Variants in C2 observed in about 807,000 individuals in gnomAD.
C2 encodes C3/C5 convertase.
Under a neutral mutation model 85.2 loss-of-function variants are expected in C2, and 64 were observed. The ratio of observed to expected loss-of-function variants is 0.75; its 90% CI spans 0.61 to 0.92. The LOEUF is 0.92. Ranked by LOEUF, C2 falls within the 40% of genes least tolerant of loss-of-function variation. The probability of loss-of-function intolerance (pLI) is 0.00; values close to 1 mark genes in which losing one functional copy is unlikely to be tolerated. For synonymous variants in C2, 311 were observed against 370.8 expected, an observed-to-expected ratio of 0.84 and a Z score of 1.85; for missense variants, 820 against 971.6, an observed-to-expected ratio of 0.84 and a Z score of 2.07.
upstream of C2, chr6:31,900,592 G>T (rs1562535997): frequency 1.9e-6 from 3 of 1,612,496 alleles, no homozygotes; most frequent in Non-Finnish European, 2.5e-6. The surrounding 1 kb of genome is among the most constrained non-coding windows in gnomAD (Gnocchi z 9.7). Flanking sequence ...GGCCACCCAC[G>T]GAGCCTCCAA....
At chr6:31,903,404 T>A (rs1263786882) in intron 1 of C2, among the ~76,000 whole-genome samples, 1 of 152,068 alleles carries the variant, frequency 6.6e-6, no homozygotes, top group Non-Finnish European at 1.5e-5. Context: ...CCGAGGCAGG[T>A]GGATCACCTG....
chr6:31,913,799 C>T (rs1295062242), intron 1 of C2, among the ~76,000 whole-genome samples: 1 of 151,716 alleles, frequency 6.6e-6, no homozygotes, highest in African/African-American at 2.4e-5. Flanking sequence ...GGCACCACAC[C>T]CGGCTAATTT....
intron 6 of C2, chr6:31,934,703 T>C (rs1387527980): frequency 8.3e-7 from 1 of 1,210,160 alleles, no homozygotes; most frequent in East Asian, 3.9e-5. Flanking sequence ...CAACATTTTG[T>C]GCAGGCTTTA....
At position 31,935,842 on chromosome 6, in the gene C2, C is replaced by A; in HGVS notation, c.850-81C>A. Reference sequence around the variant, plus strand: ...TCTCACTCCAGTTTCTCTGCCTCCTCCAGGGCCCTTTGTTTGCTCTCTTAC... The same window carrying A: ...TCTCACTCCAGTTTCTCTGCCTCCTACAGGGCCCTTTGTTTGCTCTCTTAC... On this transcript the variant is annotated intron_variant, in intron 6 of 17. Transcript: ENST00000299367. The surrounding 1 kb of genome is among the most constrained non-coding windows in gnomAD (Gnocchi z 4.3). 1.3e-6 allele frequency: 2 copies of A among 1,501,750 alleles called. No homozygotes were observed. The highest frequency in any genetic ancestry group is 9.2e-7 in the Non-Finnish European group (1 of 1,085,986). The allele number at this position is 1,501,750 out of a possible 1,614,324, so 93.0% of individuals were successfully genotyped here. A position where few individuals can be genotyped will look rare whatever the true frequency, so the allele number is the denominator to read the frequency against.
At chr6:31,919,873 C>T (rs1408701815), upstream of C2, 1 of 152,188 alleles carries the variant, frequency 6.6e-6, no homozygotes, top group Non-Finnish European at 1.5e-5. Flanking sequence ...AACATTTCCT[C>T]TTGGTAACAG....
rs1771305728 is a variant in C2 at position 31,945,303 on chromosome 6, G to A, written c.2205G>A (p.Met735Ile). The A allele has an allele frequency of 6.2e-7, 1 of 1,613,024 alleles. No homozygotes were observed. The highest frequency in any genetic ancestry group is 8.5e-7 in the Non-Finnish European group (1 of 1,180,016). ...ACTTTCACATCAATCTCTTCCGCAT[G>A]CAGCCCTGGCTGAGGCAGCACCTGG... ...PRDFHINLFR[M>I]QPWLRQHLGD... Residue 735 changes from methionine to isoleucine, a missense_variant, in exon 18 of 18, where the codon ATG (methionine) becomes ATA (isoleucine). Physicochemically the swap from Met to Ile is conservative, Grantham distance 10. Transcript: ENST00000299367. This position sits in a 1 kb window ranked among gnomAD's most constrained non-coding sequence, Gnocchi z 5.3.
chr6:31,939,166 A>T, intron 8 of C2, 65 bp from the exon 9 acceptor site: 1 of 1,137,248 alleles, frequency 8.8e-7, no homozygotes. Context: ...ATGCTTTCCT[A>T]CTCTTCCAGG....
chr6:31,932,181 A>G (rs9267709), intron 3 of C2, among the ~76,000 whole-genome samples: 2 of 129,596 alleles, frequency 1.5e-5, no homozygotes, highest in African/African-American at 6.0e-5. Flanking sequence ...CTCACTTCCC[A>G]GTAGGGGCGG....
At chr6:31,901,131 G>A in exon 1 of C2, 1 of 1,613,922 alleles carries the variant, frequency 6.2e-7, no homozygotes, top group Non-Finnish European at 8.5e-7. Flanking sequence ...AACTGGTCCC[G>A]CAGGAAGGGT....
chr6:31,921,086 G>A lies in C2; in HGVS notation c.-100+1060G>A, dbSNP rs9501160. 0.015 allele frequency among the ~76,000 whole-genome samples: 2,238 copies of A among 152,288 alleles called. 24 individuals are homozygous for A. Among genetic ancestry groups the A allele is most frequent in the Middle Eastern group, 0.078 (23 of 294 alleles). On this transcript the variant is annotated intron_variant, in intron 1 of 3. Coordinates refer to the C2 transcript ENST00000413154. This position sits in a 1 kb window ranked among gnomAD's most constrained non-coding sequence, Gnocchi z 4.6. ...GGCAGTGCCTGCTAGGATGGGGGAT[G>A]GTGTGTGTACCGAGGAACTTAGCAG...
In C2 at chr6:31,943,493, T is replaced by C. The variant is rs1361505252; in HGVS notation, c.1533T>C (p.Asp511=). The C allele has an allele frequency of 1.2e-6, 2 of 1,613,060 alleles. No individual in the cohort carries two copies. Among genetic ancestry groups the C allele is most frequent in the African/African-American group, 1.3e-5 (1 of 75,046 alleles). ...TGACAGCAGCTCATTGCTTCCGCGA[T>C]GGCAACGACCACTCCCTGTGGAGGG... ...WVLTAAHCFR[D]GNDHSLWRVN... The change falls in exon 12 of 18, where the codon GAT becomes GAC. Residue 511 remains aspartate (D), a synonymous_variant. Transcript: ENST00000299367. The surrounding 1 kb of genome is among the most constrained non-coding windows in gnomAD (Gnocchi z 6.4).
chr6:31,900,862 G>A (rs768825206), upstream of C2: 29 of 1,613,320 alleles, frequency 1.8e-5, no homozygotes, highest in South Asian at 1.5e-4. The surrounding 1 kb of genome is among the most constrained non-coding windows in gnomAD (Gnocchi z 9.7). Flanking sequence ...ACTTGGTGGC[G>A]CTGATGCTGC....
chr6:31,921,885 G>C lies in C2; in HGVS notation c.-100+1859G>C, dbSNP rs981962732. On this transcript the variant is annotated intron_variant, in intron 1 of 3. Transcript: ENST00000413154. This position sits in a 1 kb window ranked among gnomAD's most constrained non-coding sequence, Gnocchi z 4.6. The stretch of plus-strand genomic sequence containing the variant: ...CTGGAGGTGATCGCAAGAAACATGG[G>C]TAGTGGAGTGTGATAGAGAAGGAAG... 6.6e-6 allele frequency among the ~76,000 whole-genome samples: 1 copy of C among 152,178 alleles called. No homozygotes were observed. The highest frequency in any genetic ancestry group is 1.5e-5 in the Non-Finnish European group (1 of 68,038).
At chr6:31,927,455 CAT>C, upstream of C2, 1 of 1,390,894 alleles carries the variant, frequency 7.2e-7, no homozygotes, top group Non-Finnish European at 9.3e-7. The surrounding 1 kb of genome is among the most constrained non-coding windows in gnomAD (Gnocchi z 4.7). Flanking sequence ...GTATGGTGCA[CAT>C]GTGCACGCAT....
At chr6:31,914,101 C>T (rs77524031) in intron 1 of C2, among the ~76,000 whole-genome samples, 12,162 of 151,670 alleles carry the variant, frequency 0.08, 537 homozygotes, top group African/African-American at 0.12. Flanking sequence ...TTTGTATTCA[C>T]CGTGTTTCAC....
rs1768893589 is a variant in C2, at chr6:31,920,579, C to T, written c.-100+553C>T. On this transcript the variant is annotated intron_variant, in intron 1 of 3. Transcript: ENST00000413154. The surrounding 1 kb of genome is among the most constrained non-coding windows in gnomAD (Gnocchi z 5.6). The stretch of plus-strand genomic sequence containing the variant: ...TTTACCACCCTCTTACCTGGGTTAC[C>T]CAGGGCAGCTCCCCTGATGGGTAGC... Among the ~76,000 whole-genome samples the T allele has an allele frequency of 6.6e-6, 1 of 152,070 alleles. No homozygotes were observed. The highest frequency in any genetic ancestry group is 6.6e-5 in the Admixed American group (1 of 15,262).
chr6:31,936,378 A>G, intron 7 of C2: 1 of 409,158 alleles, frequency 2.4e-6, no homozygotes, highest in East Asian at 5.1e-5. Context: ...CCCATACACC[A>G]TGTAAAGTGC....
intron 1 of C2, among the ~76,000 whole-genome samples, chr6:31,909,820 T>C (rs1254579424): frequency 1.3e-5 from 2 of 151,988 alleles, no homozygotes; most frequent in South Asian, 2.1e-4. Context: ...CACCAGGAGA[T>C]TGTACACAAG....
intron 1 of C2, among the ~76,000 whole-genome samples, chr6:31,913,446 G>C (rs62395851): frequency 0.079 from 12,062 of 152,094 alleles, 521 homozygotes; most frequent in African/African-American, 0.12. Context: ...TGTGGTGGCA[G>C]GCACCTGTAA....
Sources: gnomAD v4.1 joint callset for allele counts (sites outside exome capture counted in the v4.1 genomes callset) on GRCh38, gnomAD v4.1.1 for gene constraint, Gnocchi (gnomAD v3.1) non-coding constraint, MANE v1.5 for transcripts, NCBI Gene and HGNC (gene_info 2026-07-23, HGNC 2026-07-21) for gene names.